PHACTR1: variants seen among roughly 807,000 people sequenced by gnomAD.
PHACTR1 encodes phosphatase and actin regulator 1, also known as RPEL repeat containing 1.
A neutral mutation model predicts 69.2 loss-of-function variants in PHACTR1; 16 were observed. That is an observed-to-expected ratio of 0.23 (90% CI 0.16 to 0.35). PHACTR1 has a LOEUF of 0.35. PHACTR1 is among the 10% of genes least tolerant of loss of function. The probability of loss-of-function intolerance (pLI) is 1.00; values close to 1 mark genes in which losing one functional copy is unlikely to be tolerated. For synonymous variants in PHACTR1, 312 were observed against 284.5 expected, an observed-to-expected ratio of 1.10 and a Z score of -0.97; for missense variants, 510 against 734.7, an observed-to-expected ratio of 0.69 and a Z score of 3.54.
chr6:13,191,455 G>A (rs1763585368), intron 7 of PHACTR1, among the ~76,000 whole-genome samples: 1 of 152,178 alleles, frequency 6.6e-6, no homozygotes, highest in Non-Finnish European at 1.5e-5. Flanking sequence ...GAAAGCCGAG[G>A]CCAGAGTGTT....
At chr6:12,859,366 G>A (rs1477515960) in intron 4 of PHACTR1, among the ~76,000 whole-genome samples, 3 of 152,116 alleles carry the variant, frequency 2.0e-5, no homozygotes, top group Non-Finnish European at 4.4e-5. Flanking sequence ...CAGCTAATGT[G>A]TGTATTATAA....
intron 10 of PHACTR1, among the ~76,000 whole-genome samples, chr6:13,260,347 T>A (rs1775743941): frequency 6.6e-6 from 1 of 152,174 alleles, no homozygotes; most frequent in African/African-American, 2.4e-5. Flanking sequence ...TGGGTTGTCC[T>A]ACTGTGAATA....
At chr6:13,261,182 C>T (rs966030656) in intron 10 of PHACTR1, among the ~76,000 whole-genome samples, 10 of 152,186 alleles carry the variant, frequency 6.6e-5, no homozygotes, top group Middle Eastern at 3.2e-3. Flanking sequence ...ACCACCCTTT[C>T]GAGAGGTCTG....
At chr6:12,987,436 G>T (rs1796318159) in intron 4 of PHACTR1, among the ~76,000 whole-genome samples, 1 of 152,176 alleles carries the variant, frequency 6.6e-6, no homozygotes, top group Non-Finnish European at 1.5e-5. Flanking sequence ...AGAAGGAGAA[G>T]CATTTTAGCT....
intron 4 of PHACTR1, among the ~76,000 whole-genome samples, chr6:12,936,278 C>T (rs917804812): frequency 2.1e-4 from 32 of 152,034 alleles, no homozygotes; most frequent in Non-Finnish European, 4.4e-4. Context: ...TTGTGCTAGC[C>T]ACCTATCCAC....
intron 5 of PHACTR1, among the ~76,000 whole-genome samples, chr6:13,111,800 T>G (rs1398394935): frequency 2.6e-5 from 4 of 152,166 alleles, no homozygotes; most frequent in African/African-American, 4.8e-5. Flanking sequence ...CAGAAGCATT[T>G]AATAGTTTTT....
intron 6 of PHACTR1, among the ~76,000 whole-genome samples, chr6:13,169,696 A>G (rs1760315205): frequency 6.6e-6 from 1 of 152,228 alleles, no homozygotes; most frequent in African/African-American, 2.4e-5. Flanking sequence ...AATGAGAAAA[A>G]GATCAGGAAT....
At chr6:12,990,128 A>G (rs993785889) in intron 4 of PHACTR1, among the ~76,000 whole-genome samples, 4 of 152,132 alleles carry the variant, frequency 2.6e-5, no homozygotes, top group Non-Finnish European at 5.9e-5. Context: ...CCCTTTTCCC[A>G]ACAGTTTTCT....
At chr6:12,978,719 G>GAC (rs1795175303) in intron 4 of PHACTR1, among the ~76,000 whole-genome samples, 1 of 152,226 alleles carries the variant, frequency 6.6e-6, no homozygotes, top group African/African-American at 2.4e-5. Context: ...CATAGTTGAT[G>GAC]ACACGTGTTT....
chr6:12,849,250 A>C (rs1779586663), intron 4 of PHACTR1, among the ~76,000 whole-genome samples: 1 of 152,236 alleles, frequency 6.6e-6, no homozygotes, highest in African/African-American at 2.4e-5. Flanking sequence ...GGAAGACTTA[A>C]GTGCAGAGCC....
intron 5 of PHACTR1, among the ~76,000 whole-genome samples, chr6:13,060,604 C>T (rs1291836728): frequency 6.6e-6 from 1 of 152,150 alleles, no homozygotes; most frequent in East Asian, 1.9e-4. Context: ...ATGAACTCTA[C>T]TGCAATCAGA....
At chr6:13,143,496 T>A (rs1309730244) in intron 5 of PHACTR1, among the ~76,000 whole-genome samples, 1 of 152,208 alleles carries the variant, frequency 6.6e-6, no homozygotes, top group African/African-American at 2.4e-5. Context: ...CTCCTGGGGA[T>A]CTTGTTGGAA....
At chr6:13,018,970 G>A (rs1225064356) in intron 4 of PHACTR1, among the ~76,000 whole-genome samples, 2 of 151,366 alleles carry the variant, frequency 1.3e-5, no homozygotes, top group African/African-American at 4.9e-5. Context: ...CCTCCCACCT[G>A]GTATCTGGGA....
rs1181307347 is a variant in PHACTR1 at position 12,831,223 on chromosome 6, G to C, written c.250+81433G>C. On this transcript the variant is annotated intron_variant, in intron 4 of 14. Coordinates refer to ENST00000332995, the MANE Select transcript of PHACTR1 (RefSeq NM_030948.6). ...TAACTGGCTACATGAACAAATACAT[G>C]AATGAACATTGAAATTACGATGCAT... Among the ~76,000 whole-genome samples the C allele has an allele frequency of 3.3e-5, 5 of 152,182 alleles. No homozygotes were observed. The East Asian group carries it at 9.6e-4, about 29-fold the overall frequency.
intron 10 of PHACTR1, among the ~76,000 whole-genome samples, chr6:13,262,456 T>C (rs1317471607): frequency 1.3e-5 from 2 of 152,194 alleles, no homozygotes; most frequent in East Asian, 1.9e-4. Flanking sequence ...ATTGATGCTA[T>C]TGGAAGTCAT....
chr6:12,974,210 G>A (rs1039003508), intron 4 of PHACTR1, among the ~76,000 whole-genome samples: 20 of 152,268 alleles, frequency 1.3e-4, no homozygotes, highest in South Asian at 6.2e-4. Flanking sequence ...GTGAACCACC[G>A]TGCCTGGCCA....
At chr6:12,913,803 G>C (rs868760238) in intron 4 of PHACTR1, among the ~76,000 whole-genome samples, 1 of 152,088 alleles carries the variant, frequency 6.6e-6, no homozygotes, top group African/African-American at 2.4e-5. Flanking sequence ...TAACAAACAC[G>C]TCACTGTTCA....
At chr6:13,023,719 G>A (rs1031318122) in intron 4 of PHACTR1, among the ~76,000 whole-genome samples, 1 of 152,214 alleles carries the variant, frequency 6.6e-6, no homozygotes, top group Non-Finnish European at 1.5e-5. Flanking sequence ...CAGAAAGAGT[G>A]CGGAACAAGT....
At chr6:12,812,729 C>T (rs945119634) in intron 4 of PHACTR1, among the ~76,000 whole-genome samples, 9 of 152,184 alleles carry the variant, frequency 5.9e-5, no homozygotes, top group African/African-American at 1.9e-4. Flanking sequence ...TCAGAGTAGG[C>T]CAAACAGACC....
Sources: gnomAD v4.1 joint callset for allele counts (sites outside exome capture counted in the v4.1 genomes callset) on GRCh38, gnomAD v4.1.1 for gene constraint, MANE v1.5 for transcripts, NCBI Gene and HGNC (gene_info 2026-07-23, HGNC 2026-07-21) for gene names.